Variants in FMN1 observed in about 807,000 individuals in gnomAD.
FMN1 encodes the protein formin 1.
FMN1 carries 110 observed loss-of-function variants against 132.4 expected under a neutral mutation model. The ratio of observed to expected loss-of-function variants is 0.83; its 90% CI spans 0.71 to 0.97. The LOEUF is 0.97. Ranked by LOEUF, FMN1 falls within the 50% of genes least tolerant of loss-of-function variation. The probability of loss-of-function intolerance (pLI) is 0.00; values close to 1 mark genes in which losing one functional copy is unlikely to be tolerated. For synonymous variants in FMN1, 722 were observed against 651.7 expected, an observed-to-expected ratio of 1.11 and a Z score of -1.64; for missense variants, 1,792 against 1,705.3, an observed-to-expected ratio of 1.05 and a Z score of -0.90.
chr15:33,008,880 C>T, intron 6 of FMN1, among the ~76,000 whole-genome samples: 1 of 152,074 alleles, frequency 6.6e-6, no homozygotes, highest in African/African-American at 2.4e-5. Context: ...TGAGATAAGC[C>T]AATTATTTTA....
chr15:33,008,759 C>T (rs1322071715), intron 6 of FMN1, among the ~76,000 whole-genome samples: 1 of 152,208 alleles, frequency 6.6e-6, no homozygotes, highest in Non-Finnish European at 1.5e-5. Flanking sequence ...GCGAAGCATG[C>T]AGCTGTCAAG....
chr15:33,111,296 G>A (rs969075012), intron 4 of FMN1, among the ~76,000 whole-genome samples: 3 of 152,124 alleles, frequency 2.0e-5, no homozygotes, highest in African/African-American at 7.2e-5. Context: ...ACTTCACTGG[G>A]ATGGCTATAA....
intron 6 of FMN1, among the ~76,000 whole-genome samples, chr15:33,009,214 C>G (rs957384433): frequency 6.6e-6 from 1 of 152,158 alleles, no homozygotes; most frequent in Non-Finnish European, 1.5e-5. Context: ...TCATTATCCC[C>G]ACCAGCACCA....
intron 17 of FMN1, among the ~76,000 whole-genome samples, chr15:32,850,108 C>T (rs975271928): frequency 3.3e-5 from 5 of 152,180 alleles, no homozygotes; most frequent in Admixed American, 3.3e-4. Flanking sequence ...CACAAGAACC[C>T]ATTTTGGCTC....
intron 6 of FMN1, among the ~76,000 whole-genome samples, chr15:33,049,763 A>T (rs2036880350): frequency 6.6e-6 from 1 of 152,210 alleles, no homozygotes; most frequent in African/African-American, 2.4e-5. Context: ...TGTTCAAATA[A>T]GGCAAACACT....
Position 33,154,388 on chromosome 15 carries a change from C to T in FMN1, c.527G>A (p.Arg176Lys), listed in dbSNP as rs899132586. 2.0e-6 allele frequency: 3 copies of T among 1,536,056 alleles called. No homozygotes were observed. The African/African-American group carries it at 4.1e-5, about 21-fold the overall frequency. The change falls in exon 4 of 21, where the codon AGG becomes AAG. Residue 176 changes from arginine (R) to lysine (K), a missense_variant. Physicochemically the swap from Arg to Lys is conservative, Grantham distance 26 (BLOSUM62 2). This residue lies in a region of FMN1 where 638 missense variants were observed against 645.2 expected (regional missense o/e 0.99). Coordinates refer to ENST00000616417, the MANE Select transcript of FMN1 (RefSeq NM_001277313.2). The stretch of plus-strand genomic sequence containing the variant: ...GCCTCCACGCCCTTTTCTTTTGGTC[C>T]TCTTCTGTGGAAGGGCCCCAAAGCT... ...RESFGALPQK[R>K]TKRKGRGGRE...
At chr15:32,994,753 T>G (rs931226795) in intron 7 of FMN1, among the ~76,000 whole-genome samples, 56 of 81,812 alleles carry the variant, frequency 6.8e-4, no homozygotes, top group African/African-American at 2.2e-3. Context: ...ATGATCAAGT[T>G]CATAAAGCAT....
intron 7 of FMN1, among the ~76,000 whole-genome samples, chr15:32,982,535 C>A (rs2032762455): frequency 6.6e-6 from 1 of 152,124 alleles, no homozygotes; most frequent in South Asian, 2.1e-4. Context: ...GACTGACCCC[C>A]AGGGTGCCCA....
chr15:33,165,120 C>T (rs17816976), intron 3 of FMN1, among the ~76,000 whole-genome samples: 1 of 152,166 alleles, frequency 6.6e-6, no homozygotes, highest in Non-Finnish European at 1.5e-5. Context: ...ACATTTAAGG[C>T]TTTACCAACA....
intron 4 of FMN1, among the ~76,000 whole-genome samples, chr15:33,119,342 C>A (rs1962332028): frequency 6.6e-6 from 1 of 152,130 alleles, no homozygotes; most frequent in East Asian, 1.9e-4. Context: ...TGGTAGCAGG[C>A]ACCCATGGTG....
intron 4 of FMN1, among the ~76,000 whole-genome samples, chr15:33,096,731 C>A (rs908808377): frequency 6.6e-6 from 1 of 152,016 alleles, no homozygotes; most frequent in African/African-American, 2.4e-5. Context: ...CTCAGCCTCC[C>A]AAGTAGCTGG....
intron 4 of FMN1, among the ~76,000 whole-genome samples, chr15:33,125,923 A>G (rs1033900422): frequency 1.3e-5 from 2 of 152,192 alleles, no homozygotes; most frequent in African/African-American, 2.4e-5. Flanking sequence ...ATTTCTTTCT[A>G]AAAACCATCT....
rs535104027 is a variant in FMN1 at position 33,010,097 on chromosome 15, TG to T, written c.2162-2023del. 7.2e-5 allele frequency among the ~76,000 whole-genome samples: 11 copies of T among 152,318 alleles called. No homozygotes were observed. In the East Asian group the frequency reaches 2.1e-3, roughly 29 times the overall value. On this transcript the variant is annotated intron_variant, in intron 6 of 20. Transcript: ENST00000616417. ...CAGGGTTTTACTATGTTGGCCAGGCTGGTTTCAAACTCCTGACCTCAGGTGA... is the reference window on the plus strand; with the variant it reads ...CAGGGTTTTACTATGTTGGCCAGGCTGTTTCAAACTCCTGACCTCAGGTGA...
At position 32,908,566 on chromosome 15, in the gene FMN1, C is replaced by A. The variant is rs770820333; in HGVS notation, c.3301G>T (p.Asp1101Tyr). The A allele has an allele frequency of 5.1e-6, 8 of 1,584,110 alleles. No individual in the cohort carries two copies. The highest frequency in any genetic ancestry group is 6.1e-6 in the Non-Finnish European group (7 of 1,156,914). Residue 1101 changes from aspartate (D) to tyrosine (Y), a missense_variant, in exon 12 of 21, where the codon GAT becomes TAT. This residue lies in a region of FMN1 where 1,150 missense variants were observed against 1,043.1 expected (regional missense o/e 1.10). Coordinates refer to ENST00000616417, the MANE Select transcript of FMN1 (RefSeq NM_001277313.2). ...TACTTTCTTATTTTAACCAGCTCAT[C>A]CTCTTGGGCTCTCTGTATCAAAATA... ...AALYENRAQE[D>Y]ELVKIRKYYE...
intron 9 of FMN1, among the ~76,000 whole-genome samples, chr15:32,960,678 T>C (rs1424693959): frequency 1.3e-5 from 2 of 152,096 alleles, no homozygotes; most frequent in Non-Finnish European, 2.9e-5. Flanking sequence ...AATGAACTGA[T>C]GATGAACCCC....
chr15:32,869,996 C>G (rs958469670), intron 16 of FMN1, among the ~76,000 whole-genome samples: 1 of 152,088 alleles, frequency 6.6e-6, no homozygotes, highest in Non-Finnish European at 1.5e-5. Flanking sequence ...ACAGAAAGAA[C>G]GCCAAAATGG....
At chr15:32,937,826 A>G (rs1333460727) in intron 9 of FMN1, among the ~76,000 whole-genome samples, 7 of 152,266 alleles carry the variant, frequency 4.6e-5, no homozygotes, top group Admixed American at 4.6e-4. Flanking sequence ...GTAACGAGAA[A>G]AAGAGTAGAA....
intron 4 of FMN1, among the ~76,000 whole-genome samples, chr15:33,146,212 T>C (rs1595564653): frequency 1.3e-5 from 2 of 152,260 alleles, no homozygotes; most frequent in East Asian, 3.9e-4. Flanking sequence ...AGGAAGTCCC[T>C]ACCTCTCTTG....
intron 7 of FMN1, among the ~76,000 whole-genome samples, chr15:32,978,372 C>T (rs1302095787): frequency 6.6e-6 from 1 of 152,092 alleles, no homozygotes; most frequent in Non-Finnish European, 1.5e-5. Flanking sequence ...CGGGGAACTT[C>T]AGTAATATTT....
Sources: gnomAD v4.1 joint callset for allele counts (sites outside exome capture counted in the v4.1 genomes callset) on GRCh38, gnomAD v4.1.1 for gene constraint, gnomAD v4.1.1 regional missense constraint, MANE v1.5 for transcripts, NCBI Gene and HGNC (gene_info 2026-07-23, HGNC 2026-07-21) for gene names.